Variants in ACAP2 observed in about 807,000 individuals in gnomAD.
ACAP2 encodes ArfGAP with coiled-coil, ankyrin repeat and PH domains 2.
Under a neutral mutation model 115.8 loss-of-function variants are expected in ACAP2, and 39 were observed. The observed-to-expected ratio is 0.34, with a 90% CI of 0.26 to 0.44. The LOEUF (loss-of-function observed/expected upper bound fraction) is 0.44. Among genes scored for constraint, ACAP2 ranks in the 20% least tolerant of loss-of-function variants. The pLI is 1.00. For missense variants in ACAP2, 662 were observed against 927.6 expected (o/e 0.71, Z 3.72); for synonymous variants, 289 against 315.8 (o/e 0.92, Z 0.90).
intron 12 of ACAP2, 69 bp from the exon 13 acceptor site, chr3:195,306,685 A>G (rs1329108914): frequency 5.3e-6 from 6 of 1,122,734 alleles, no homozygotes; most frequent in African/African-American, 1.6e-5. Context: ...TAAGCTTTAT[A>G]TTTTTTCCAC....
At chr3:195,306,807 G>T in intron 12 of ACAP2, 191 bp from the exon 13 acceptor site, 5 of 348,732 alleles carry the variant, frequency 1.4e-5, no homozygotes, top group Admixed American at 4.8e-5. Context: ...AGGTGCCAAT[G>T]AAACAAATTA....
At chr3:195,324,710 C>T (rs763287185) in intron 9 of ACAP2, among the ~76,000 whole-genome samples, 14 of 151,796 alleles carry the variant, frequency 9.2e-5, no homozygotes, top group Middle Eastern at 3.4e-3. Flanking sequence ...GCAGAGATCG[C>T]GCCACTGCAC....
At chr3:195,417,361 G>C (rs986648846) in intron 1 of ACAP2, among the ~76,000 whole-genome samples, 2 of 152,064 alleles carry the variant, frequency 1.3e-5, no homozygotes, top group South Asian at 4.1e-4. Context: ...TGTTCTCTCT[G>C]TGAGCAGCAA....
intron 9 of ACAP2, chr3:195,325,503 G>C (rs1345840017): frequency 2.6e-6 from 1 of 391,636 alleles, no homozygotes; most frequent in Non-Finnish European, 4.8e-6. Flanking sequence ...TTCATAATAA[G>C]CAAAAAATAG....
chr3:195,291,045 T>A (rs1727219165), intron 20 of ACAP2, among the ~76,000 whole-genome samples: 1 of 151,978 alleles, frequency 6.6e-6, no homozygotes, highest in Non-Finnish European at 1.5e-5. Flanking sequence ...TTAAAAATAT[T>A]TCAAAATAAG....
chr3:195,315,328 C>T (rs1298681264), intron 10 of ACAP2, among the ~76,000 whole-genome samples: 4 of 152,148 alleles, frequency 2.6e-5, no homozygotes, highest in Admixed American at 6.5e-5. Flanking sequence ...GCCTTATATG[C>T]TATATTCTTT....
Position 195,304,480 on chromosome 3 carries a change from G to T in ACAP2, c.1116+2031C>A, listed in dbSNP as rs907438499. Among the ~76,000 whole-genome samples the T allele has an allele frequency of 5.3e-5, 8 of 152,142 alleles. 1 individual carries two copies. Among genetic ancestry groups the T allele is most frequent in the Non-Finnish European group, 1.0e-4 (7 of 68,032 alleles). On this transcript the variant is annotated intron_variant, in intron 13 of 22. Coordinates refer to ENST00000326793, the MANE Select transcript of ACAP2 (RefSeq NM_012287.6). ...GAAAGTATTAATAGGAGGAATGATT[G>T]TTTAAGCAGGACAGTTCAATCCTAC...
At chr3:195,294,845 T>C in intron 17 of ACAP2, 34 bp from the exon 18 acceptor site, 2 of 1,358,128 alleles carry the variant, frequency 1.5e-6, no homozygotes, top group Admixed American at 1.7e-5. Context: ...ATGATTAAAG[T>C]TCATGCCATT....
intron 10 of ACAP2, among the ~76,000 whole-genome samples, chr3:195,319,167 G>A (rs923703462): frequency 2.0e-5 from 3 of 152,250 alleles, no homozygotes; most frequent in African/African-American, 7.2e-5. Context: ...GAGAATTTAG[G>A]TTTGGGAAAC....
At chr3:195,429,510 A>G (rs1409535545) in intron 1 of ACAP2, among the ~76,000 whole-genome samples, 3 of 152,176 alleles carry the variant, frequency 2.0e-5, no homozygotes, top group Non-Finnish European at 2.9e-5. Flanking sequence ...ATCTATTTAT[A>G]ATGTTCAACG....
At chr3:195,317,349 AT>A (rs1034906348) in intron 10 of ACAP2, among the ~76,000 whole-genome samples, 6 of 152,204 alleles carry the variant, frequency 3.9e-5, no homozygotes, top group African/African-American at 1.4e-4. Context: ...ACTAATGTCC[AT>A]TTTTTTAAAA....
At chr3:195,327,861 G>A (rs1465351860) in intron 8 of ACAP2, among the ~76,000 whole-genome samples, 1 of 151,998 alleles carries the variant, frequency 6.6e-6, no homozygotes, top group Non-Finnish European at 1.5e-5. Context: ...AACCCACGAG[G>A]CAGAGGTTGC....
chr3:195,323,013 A>G (rs535689044), intron 9 of ACAP2, among the ~76,000 whole-genome samples: 2 of 152,322 alleles, frequency 1.3e-5, no homozygotes, highest in South Asian at 2.1e-4. Context: ...ACTCAAAGGC[A>G]AGAGACTGAG....
chr3:195,389,903 A>C (rs1734546630), intron 2 of ACAP2, among the ~76,000 whole-genome samples: 1 of 152,216 alleles, frequency 6.6e-6, no homozygotes, highest in Admixed American at 6.5e-5. Context: ...AACTGATCAT[A>C]AAGACAGAGG....
chr3:195,432,155 G>A (rs1294086528), intron 1 of ACAP2, among the ~76,000 whole-genome samples: 1 of 152,120 alleles, frequency 6.6e-6, no homozygotes, highest in African/African-American at 2.4e-5. Context: ...GACTTTTAAT[G>A]TTCTGTGTCC....
At chr3:195,307,833 A>G (rs1409721148) in intron 11 of ACAP2, among the ~76,000 whole-genome samples, 1 of 152,196 alleles carries the variant, frequency 6.6e-6, no homozygotes, top group Admixed American at 6.5e-5. Context: ...AGAAGAAACC[A>G]TGAACTAATA....
At chr3:195,279,502 A>G in intron 22 of ACAP2, 74 bp from the exon 23 acceptor site, 2 of 928,304 alleles carry the variant, frequency 2.2e-6, no homozygotes, top group Admixed American at 6.0e-5. Context: ...ATTTATTACT[A>G]GTACTATTTT....
intron 10 of ACAP2, among the ~76,000 whole-genome samples, chr3:195,315,481 G>A (rs1729028094): frequency 6.6e-6 from 1 of 152,164 alleles, no homozygotes; most frequent in South Asian, 2.1e-4. Context: ...TTTCATAGTT[G>A]AAGTTGTATC....
chr3:195,329,874 T>C (rs12494773), intron 8 of ACAP2, among the ~76,000 whole-genome samples: 5,344 of 152,252 alleles, frequency 0.035, 163 homozygotes, highest in East Asian at 0.1. Context: ...TTCTCTTACC[T>C]TAGCCATCTC....
Sources: gnomAD v4.1 joint callset for allele counts (sites outside exome capture counted in the v4.1 genomes callset) on GRCh38, gnomAD v4.1.1 for gene constraint, MANE v1.5 for transcripts, NCBI Gene and HGNC (gene_info 2026-07-23, HGNC 2026-07-21) for gene names.